The following MAP3K2 variants were observed in gnomAD, a reference collection of about 807,000 sequenced individuals.
MAP3K2 encodes the protein mitogen-activated protein kinase kinase kinase 2, also known as MAP/ERK kinase kinase 2.
A neutral mutation model predicts 80.3 loss-of-function variants in MAP3K2; 24 were observed. The ratio of observed to expected loss-of-function variants is 0.30; its 90% CI spans 0.22 to 0.42. MAP3K2 has a LOEUF of 0.42. Ranked by LOEUF, MAP3K2 falls within the 10% of genes least tolerant of loss-of-function variation. The pLI is 1.00. For missense variants in MAP3K2, 608 were observed against 750.1 expected (o/e 0.81, Z 2.21); for synonymous variants, 244 against 253.7 (o/e 0.96, Z 0.36).
chr2:127,386,188 A>G (rs893024287), intron 1 of MAP3K2, among the ~76,000 whole-genome samples: 1 of 152,228 alleles, frequency 6.6e-6, no homozygotes. Flanking sequence ...TTATGCATAG[A>G]GCTTCAATTA....
intron 9 of MAP3K2, among the ~76,000 whole-genome samples, chr2:127,324,786 G>A (rs1398379591): frequency 1.3e-5 from 2 of 152,050 alleles, no homozygotes; most frequent in Non-Finnish European, 2.9e-5. Context: ...ATTTTTTTCA[G>A]AATTTGCTTT....
At chr2:127,380,567 C>T (rs947229236) in intron 1 of MAP3K2, among the ~76,000 whole-genome samples, 9 of 152,208 alleles carry the variant, frequency 5.9e-5, no homozygotes, top group Non-Finnish European at 8.8e-5. Context: ...GATTCTAACC[C>T]TATCCTCCTA....
At chr2:127,378,481 G>A (rs539912706) in intron 1 of MAP3K2, among the ~76,000 whole-genome samples, 10 of 152,036 alleles carry the variant, frequency 6.6e-5, no homozygotes, top group East Asian at 5.8e-4. Flanking sequence ...TCAACTTACC[G>A]AAAATTAGTT....
intron 14 of MAP3K2, among the ~76,000 whole-genome samples, 176 bp downstream of exon 14, chr2:127,317,453 A>G (rs1265984379): frequency 6.6e-6 from 1 of 152,194 alleles, no homozygotes; most frequent in Non-Finnish European, 1.5e-5. Flanking sequence ...TTAATGAGTT[A>G]AAAAATACAA....
chr2:127,366,696 A>G (rs1686977401), intron 1 of MAP3K2, among the ~76,000 whole-genome samples: 1 of 152,040 alleles, frequency 6.6e-6, no homozygotes, highest in Non-Finnish European at 1.5e-5. Flanking sequence ...CCTTCTCCAA[A>G]AAGATCTTCA....
rs1368541423 is a variant in MAP3K2, at chr2:127,301,589, G to A, written c.*5990C>T. ...AAAAGCTTTGGTTTAAAGTGATTCT[G>A]ATAATACAGATTGTGTTACAAACAA... On this transcript the variant is annotated 3_prime_UTR_variant, in exon 17 of 17. Transcript: ENST00000682094. The A allele has an allele frequency of 6.6e-6, 1 of 152,168 alleles. No individual in the cohort carries two copies. Among genetic ancestry groups the A allele is most frequent in the Non-Finnish European group, 1.5e-5 (1 of 68,020 alleles). The allele number at this position is 152,168 out of a possible 1,614,324, so 9.4% of individuals were successfully genotyped here.
chr2:127,365,182 G>A (rs1347964831), intron 1 of MAP3K2, among the ~76,000 whole-genome samples: 5 of 135,900 alleles, frequency 3.7e-5, no homozygotes, highest in Non-Finnish European at 7.7e-5. Context: ...CTTGCACTGA[G>A]CAGACACTCT....
rs1228849427 is a variant in MAP3K2 at position 127,299,940 on chromosome 2, G to A, written c.*7639C>T. 1 of 143,742 alleles carries A rather than the reference G, an allele frequency of 7.0e-6. No individual in the cohort carries two copies. The highest frequency in any genetic ancestry group is 2.0e-4 in the East Asian group (1 of 4,904). The allele number at this position is 143,742 out of a possible 1,614,324, so 8.9% of individuals were successfully genotyped here. ...ACTGGGATATATACATGTGCCTACA[G>A]ACAGAAAAAAACATCTCCACACAAA... is the stretch of plus-strand genomic sequence containing the variant. On this transcript the variant is annotated 3_prime_UTR_variant, in exon 17 of 17. Coordinates refer to ENST00000682094, the MANE Select transcript of MAP3K2 (RefSeq NM_001371910.2).
chr2:127,382,768 C>T (rs1347020089), intron 1 of MAP3K2, among the ~76,000 whole-genome samples: 2 of 152,196 alleles, frequency 1.3e-5, no homozygotes, highest in East Asian at 1.9e-4. Flanking sequence ...TCAGGTGATC[C>T]GCCTGCCTTG....
rs1283902751 is a variant in MAP3K2, at chr2:127,323,933, A to G, written c.807T>C (p.His269=). 4 of 1,563,004 alleles carry G rather than the reference A, an allele frequency of 2.6e-6. No homozygotes were observed. The highest frequency in any genetic ancestry group is 2.3e-5 in the East Asian group (1 of 44,338). Residue 269 remains histidine, a synonymous_variant, in exon 11 of 17, where the codon CAT becomes CAC. Coordinates refer to ENST00000682094, the MANE Select transcript of MAP3K2 (RefSeq NM_001371910.2). The part of the protein sequence containing the change: ...GKGGTYPRRY[H]VSYHHQEYND... ...TATACTCTTGATGATGATATGAAAC[A>G]TGATACCTTCTTGGATATGTTCCTC...
At chr2:127,350,829 T>G (rs2104859306) in intron 1 of MAP3K2, among the ~76,000 whole-genome samples, 1 of 151,720 alleles carries the variant, frequency 6.6e-6, no homozygotes, top group East Asian at 1.9e-4. Context: ...TCCATGTTAA[T>G]TAAGATCATC....
At chr2:127,340,423 C>T (rs1686453855) in intron 2 of MAP3K2, among the ~76,000 whole-genome samples, 1 of 152,054 alleles carries the variant, frequency 6.6e-6, no homozygotes, top group South Asian at 2.1e-4. Flanking sequence ...CTTTGGGAGG[C>T]CGAGGGGGGC....
chr2:127,377,926 G>C (rs1687178048), intron 1 of MAP3K2, among the ~76,000 whole-genome samples: 1 of 152,202 alleles, frequency 6.6e-6, no homozygotes, highest in South Asian at 2.1e-4. Context: ...AGAGGTTGCA[G>C]TGAGCTGAGA....
intron 14 of MAP3K2, among the ~76,000 whole-genome samples, chr2:127,316,625 G>C (rs1685910070): frequency 6.6e-6 from 1 of 152,130 alleles, no homozygotes; most frequent in Non-Finnish European, 1.5e-5. Flanking sequence ...TTACTTTCTG[G>C]TGTGCAGGAA....
At chr2:127,354,828 T>C (rs1176648470) in intron 1 of MAP3K2, among the ~76,000 whole-genome samples, 2 of 152,046 alleles carry the variant, frequency 1.3e-5, no homozygotes, top group Admixed American at 6.6e-5. Context: ...GTCACAGCTA[T>C]ATTCCATATG....
In MAP3K2 at chr2:127,385,640, G is replaced by A. The variant is rs561377123; in HGVS notation, c.-66+1812C>T. Among the ~76,000 whole-genome samples the A allele has an allele frequency of 2.6e-5, 4 of 152,276 alleles. No individual in the cohort carries two copies. In the East Asian group the frequency reaches 7.7e-4, roughly 29 times the overall value. Reference sequence around the variant, plus strand: ...AATCTAGAGGGTCAAGATACAAGTGGTTTACTATTACCAAATTTTCTGTAT... The same window carrying A: ...AATCTAGAGGGTCAAGATACAAGTGATTTACTATTACCAAATTTTCTGTAT... On this transcript the variant is annotated intron_variant, in intron 1 of 16. Transcript: ENST00000682094.
At chr2:127,325,885 A>G in intron 8 of MAP3K2, 78 bp from the exon 9 acceptor site, 1 of 883,934 alleles carries the variant, frequency 1.1e-6, no homozygotes, top group South Asian at 1.4e-5. Context: ...TGCCTTAATT[A>G]GACATACTTC....
chr2:127,336,984 A>T (rs1686385537), intron 4 of MAP3K2, among the ~76,000 whole-genome samples: 1 of 152,180 alleles, frequency 6.6e-6, no homozygotes. Flanking sequence ...CGACTAAAAA[A>T]TACGAAAATT....
intron 15 of MAP3K2, among the ~76,000 whole-genome samples, chr2:127,313,954 A>G (rs1198976219): frequency 6.6e-6 from 1 of 152,150 alleles, no homozygotes; most frequent in African/African-American, 2.4e-5. Flanking sequence ...ACAGTCATGC[A>G]CCATCATGCT....
Sources: gnomAD v4.1 joint callset for allele counts (sites outside exome capture counted in the v4.1 genomes callset) on GRCh38, gnomAD v4.1.1 for gene constraint, MANE v1.5 for transcripts, NCBI Gene and HGNC (gene_info 2026-07-23, HGNC 2026-07-21) for gene names.